Variants in ACOXL observed in about 807,000 individuals in gnomAD.
ACOXL encodes acyl-CoA oxidase like, also known as acyl-coenzyme A oxidase-like protein.
Under a neutral mutation model 71.9 loss-of-function variants are expected in ACOXL, and 70 were observed. The observed-to-expected ratio is 0.97, with a 90% CI of 0.80 to 1.19. The LOEUF (loss-of-function observed/expected upper bound fraction) is 1.19. Ranked by LOEUF, ACOXL falls within the 50% of genes most tolerant of loss-of-function variation. ACOXL has a pLI of 0.00. For missense variants in ACOXL, 703 were observed against 736.3 expected (o/e 0.95, Z 0.52); for synonymous variants, 253 against 281.6 (o/e 0.90, Z 1.02).
chr2:111,093,093 C>T lies in ACOXL; in HGVS notation c.1542+127C>T. The T allele has an allele frequency of 1.9e-5, 13 of 698,620 alleles. No homozygotes were observed. The South Asian group carries it at 2.6e-4, about 14-fold the overall frequency. The allele number at this position is 698,620 out of a possible 1,614,324, so 43.3% of individuals were successfully genotyped here. A position where few individuals can be genotyped will look rare whatever the true frequency, so the allele number is the denominator to read the frequency against. On this transcript the variant is annotated intron_variant, in intron 17 of 17. Transcript: ENST00000439055. ...GGATTTTTATGCCTCTGGGACTTCA[C>T]ATGTATATTTTCATTACCTATCATG...
At chr2:110,856,455 G>C (rs988323246) in intron 10 of ACOXL, among the ~76,000 whole-genome samples, 1 of 152,154 alleles carries the variant, frequency 6.6e-6, no homozygotes, top group African/African-American at 2.4e-5. Flanking sequence ...TGGCAATTGG[G>C]ATATGCCAAA....
intron 1 of ACOXL, among the ~76,000 whole-genome samples, chr2:110,746,871 A>C (rs996888984): frequency 4.6e-5 from 7 of 151,650 alleles, no homozygotes; most frequent in Non-Finnish European, 1.0e-4. Context: ...CTAAGATGAA[A>C]GCTTACTAGT....
intron 1 of ACOXL, among the ~76,000 whole-genome samples, chr2:110,736,924 T>G (rs1215705808): frequency 6.6e-6 from 1 of 152,186 alleles, no homozygotes; most frequent in Non-Finnish European, 1.5e-5. Flanking sequence ...CTGGCCTACA[T>G]TTTGATCATT....
intron 16 of ACOXL, among the ~76,000 whole-genome samples, chr2:111,056,470 G>T (rs2066543484): frequency 1.3e-5 from 2 of 151,926 alleles, no homozygotes; most frequent in Admixed American, 1.3e-4. Context: ...GAGGCATAGG[G>T]CTAACTTTTT....
At chr2:110,970,448 A>G (rs930228405) in intron 12 of ACOXL, among the ~76,000 whole-genome samples, 11 of 152,194 alleles carry the variant, frequency 7.2e-5, no homozygotes, top group Non-Finnish European at 5.9e-5. Context: ...ACAACCATTC[A>G]TGATAAAAAC....
chr2:110,982,808 C>A (rs918863931), intron 12 of ACOXL, among the ~76,000 whole-genome samples: 2 of 152,210 alleles, frequency 1.3e-5, no homozygotes, highest in Non-Finnish European at 2.9e-5. Flanking sequence ...CCTGTTGGAA[C>A]CCCTAGGGCC....
At chr2:110,971,338 C>A (rs1005831591) in intron 12 of ACOXL, among the ~76,000 whole-genome samples, 2 of 152,214 alleles carry the variant, frequency 1.3e-5, no homozygotes, top group African/African-American at 2.4e-5. Context: ...AGCTTTGTGG[C>A]TTGCACCAAC....
chr2:110,926,187 A>G (rs1488458811), intron 11 of ACOXL, among the ~76,000 whole-genome samples: 2 of 152,242 alleles, frequency 1.3e-5, no homozygotes, highest in African/African-American at 4.8e-5. Context: ...AAAGTTTGAA[A>G]TATTGTGAGA....
At chr2:111,003,183 CAT>C (rs1317910671) in intron 14 of ACOXL, among the ~76,000 whole-genome samples, 1 of 152,104 alleles carries the variant, frequency 6.6e-6, no homozygotes, top group South Asian at 2.1e-4. Flanking sequence ...TTTACACACA[CAT>C]GAGTAAGTTT....
At chr2:110,837,246 G>A (rs1690570951) in intron 9 of ACOXL, among the ~76,000 whole-genome samples, 1 of 152,128 alleles carries the variant, frequency 6.6e-6, no homozygotes, top group Admixed American at 6.5e-5. Flanking sequence ...TGGCAGCCAT[G>A]TGTGAGAGAG....
chr2:110,848,463 GA>G (rs1692186301), intron 10 of ACOXL, among the ~76,000 whole-genome samples: 1 of 152,206 alleles, frequency 6.6e-6, no homozygotes, highest in South Asian at 2.1e-4. Context: ...GGCAGCCTAT[GA>G]ATATTCACGG....
chr2:110,812,309 CT>C lies in ACOXL; in HGVS notation c.753+6919del, dbSNP rs562931475. ...AACAACCGAAATTTAAACATTTGTC[CT>C]TTTTGTAACCTTTTATTTTAGGTTG... On this transcript the variant is annotated intron_variant, in intron 9 of 17. Transcript: ENST00000439055. Among the ~76,000 whole-genome samples the C allele has an allele frequency of 2.4e-3, 363 of 152,204 alleles. 2 individuals carry two copies. Among genetic ancestry groups the C allele is most frequent in the African/African-American group, 8.5e-3 (353 of 41,514 alleles).
chr2:110,896,920 A>T (rs1232716376), intron 10 of ACOXL, among the ~76,000 whole-genome samples: 1 of 152,160 alleles, frequency 6.6e-6, no homozygotes, highest in Non-Finnish European at 1.5e-5. Context: ...CCAAAAGTAG[A>T]GTACACCTTC....
At chr2:111,055,556 C>T (rs772163447) in intron 16 of ACOXL, among the ~76,000 whole-genome samples, 5 of 152,248 alleles carry the variant, frequency 3.3e-5, no homozygotes, top group Non-Finnish European at 5.9e-5. Flanking sequence ...AAGCTCCGAC[C>T]AGCAAGGGCT....
chr2:110,758,486 A>G (rs1344809385), intron 1 of ACOXL, among the ~76,000 whole-genome samples: 1 of 152,148 alleles, frequency 6.6e-6, no homozygotes, highest in Non-Finnish European at 1.5e-5. Flanking sequence ...TTGGGGCAGT[A>G]TGGCCATTCT....
At chr2:110,799,252 G>C in intron 7 of ACOXL, 152 bp downstream of exon 7, 1 of 703,710 alleles carries the variant, frequency 1.4e-6, no homozygotes. Context: ...GCCTCATGAA[G>C]TCTTTTATGT....
intron 9 of ACOXL, among the ~76,000 whole-genome samples, chr2:110,834,108 C>T (rs560662383): frequency 6.6e-6 from 1 of 152,308 alleles, no homozygotes; most frequent in South Asian, 2.1e-4. Context: ...TTTTTTCCCT[C>T]TTAGTCCTTT....
chr2:110,954,911 T>C (rs1392542772), intron 12 of ACOXL, among the ~76,000 whole-genome samples: 1 of 152,244 alleles, frequency 6.6e-6, no homozygotes, highest in Non-Finnish European at 1.5e-5. Context: ...TTGATAGTTA[T>C]TATCTCTTAG....
chr2:111,002,206 A>G (rs1432256915), intron 14 of ACOXL, among the ~76,000 whole-genome samples: 2 of 152,204 alleles, frequency 1.3e-5, no homozygotes, highest in Admixed American at 6.5e-5. Context: ...TGAGCCAACC[A>G]TGCAACCAAG....
Sources: gnomAD v4.1 joint callset for allele counts (sites outside exome capture counted in the v4.1 genomes callset) on GRCh38, gnomAD v4.1.1 for gene constraint, MANE v1.5 for transcripts, NCBI Gene and HGNC (gene_info 2026-07-23, HGNC 2026-07-21) for gene names.